DEFB115: variants seen among roughly 807,000 people sequenced by gnomAD.
DEFB115 encodes defensin beta 115.
DEFB115 carries 7 observed loss-of-function variants against 8.8 expected under a neutral mutation model. The observed-to-expected ratio is 0.79, with a 90% CI of 0.45 to 1.49. The LOEUF is 1.49. Ranked by LOEUF, DEFB115 falls within the 40% of genes most tolerant of loss-of-function variation. The pLI is 0.01. For missense variants in DEFB115, 143 were observed against 99.4 expected (o/e 1.44, Z -1.86); for synonymous variants, 62 against 37.6 (o/e 1.65, Z -2.37).
In DEFB115 at chr20:31,259,442, G is replaced by T; in HGVS notation, c.95-18G>T. 6.3e-7 allele frequency: 1 copy of T among 1,576,764 alleles called. No individual in the cohort carries two copies. The highest frequency in any genetic ancestry group is 8.6e-7 in the Non-Finnish European group (1 of 1,166,128). On this transcript the variant is annotated intron_variant, in intron 1 of 1. Transcript: ENST00000400552. ...TTCAAATGTATTTATATATTCATGTGTTTGCTTATTTTGATAGATGGATGG... is the reference window on the plus strand; with the variant it reads ...TTCAAATGTATTTATATATTCATGTTTTTGCTTATTTTGATAGATGGATGG...
At position 31,259,511 on chromosome 20, in the gene DEFB115, G is replaced by A; in HGVS notation, c.146G>A (p.Cys49Tyr). 2 of 1,613,202 alleles carry A rather than the reference G, an allele frequency of 1.2e-6. No homozygotes were observed. Among genetic ancestry groups the A allele is most frequent in the Non-Finnish European group, 1.7e-6 (2 of 1,179,576 alleles). ...GGAACTGGCAGATGCAGGAAATCAT[G>A]CAAAGAAATTGAGAGGAAGAAAGAA... is the stretch of plus-strand genomic sequence containing the variant. ...YYGTGRCRKS[C>Y]KEIERKKEKC... The change falls in exon 2 of 2, where the codon TGC (cysteine) becomes TAC (tyrosine). Residue 49 changes from cysteine to tyrosine, a missense_variant. Coordinates refer to ENST00000400552, the MANE Select transcript of DEFB115 (RefSeq NM_001037730.1).
In DEFB115 at chr20:31,259,628, T is replaced by C; in HGVS notation, c.263T>C (p.Ile88Thr). 1 of 1,580,584 alleles carries C rather than the reference T, an allele frequency of 6.3e-7. No homozygotes were observed. The highest frequency in any genetic ancestry group is 2.3e-5 in the East Asian group (1 of 44,120). The change falls in exon 2 of 2, where the codon ATC becomes ACC. Residue 88 changes from isoleucine (I) to threonine (T), a missense_variant. Transcript: ENST00000400552. ...HDQKETSELY[I>T] The stretch of plus-strand genomic sequence containing the variant: ...CAAAAAGAGACAAGTGAGCTATATA[T>C]CTAGTTGCGACTCCTAATTCAGAAT...
At chr20:31,258,917 G>A (rs1016174162) in intron 1 of DEFB115, among the ~76,000 whole-genome samples, 1 of 151,984 alleles carries the variant, frequency 6.6e-6, no homozygotes, top group African/African-American at 2.4e-5. Context: ...AATCAGAGAA[G>A]GGCACAGTGT....
intron 1 of DEFB115, 96 bp from the exon 2 acceptor site, chr20:31,259,344 AAGTGTCAAAATCAATGTTTC>A: frequency 9.3e-7 from 1 of 1,073,634 alleles, no homozygotes. Context: ...GAATGCCTTT[AAGTGTCAAAATCAATGTTTC>A]ACTCTAACCA....
At chr20:31,258,331 C>T (rs560025519) in intron 1 of DEFB115, among the ~76,000 whole-genome samples, 16 of 152,296 alleles carry the variant, frequency 1.1e-4, no homozygotes, top group Non-Finnish European at 1.9e-4. Flanking sequence ...AAGTTGAACA[C>T]GCTCAAAGCT....
intron 1 of DEFB115, 61 bp from the exon 2 acceptor site, chr20:31,259,399 C>A (rs915141792): frequency 8.2e-6 from 12 of 1,457,698 alleles, no homozygotes; most frequent in Non-Finnish European, 1.1e-5. Context: ...AACATCCTTT[C>A]TTTAATTGTA....
chr20:31,257,939 G>T (rs542937821), intron 1 of DEFB115, among the ~76,000 whole-genome samples, 182 bp downstream of exon 1: 1 of 152,288 alleles, frequency 6.6e-6, no homozygotes, highest in South Asian at 2.1e-4. Context: ...TGACCATGGT[G>T]GTGGTTCTCA....
chr20:31,258,753 G>A (rs1983821713), intron 1 of DEFB115, among the ~76,000 whole-genome samples: 1 of 152,160 alleles, frequency 6.6e-6, no homozygotes, highest in African/African-American at 2.4e-5. Flanking sequence ...AAAAGACAGA[G>A]AATTAGGAAT....
At chr20:31,258,367 G>A (rs952999364) in intron 1 of DEFB115, among the ~76,000 whole-genome samples, 4 of 152,116 alleles carry the variant, frequency 2.6e-5, no homozygotes, top group Non-Finnish European at 1.5e-5. Flanking sequence ...CAGGCATCAT[G>A]GCCAGGTGGT....
chr20:31,257,920 T>C (rs549609335), intron 1 of DEFB115, among the ~76,000 whole-genome samples, 163 bp downstream of exon 1: 2 of 152,196 alleles, frequency 1.3e-5, no homozygotes, highest in African/African-American at 4.8e-5. Context: ...AAGGGCAGCC[T>C]GTCAGGCCTG....
intron 1 of DEFB115, among the ~76,000 whole-genome samples, chr20:31,258,055 C>T (rs937566042): frequency 1.3e-5 from 2 of 152,092 alleles, no homozygotes; most frequent in Non-Finnish European, 2.9e-5. Context: ...TGCCTCTGGC[C>T]CATATGTCAA....
intron 1 of DEFB115, 45 bp downstream of exon 1, chr20:31,257,802 G>C (rs752742593): frequency 6.6e-7 from 1 of 1,522,860 alleles, no homozygotes; most frequent in Non-Finnish European, 9.1e-7. Flanking sequence ...TAAGGATGGG[G>C]TCCTAACCAC....
intron 1 of DEFB115, 42 bp downstream of exon 1, chr20:31,257,799 G>T (rs940391274): frequency 2.6e-6 from 4 of 1,542,618 alleles, no homozygotes; most frequent in African/African-American, 2.7e-5. Flanking sequence ...GAGTAAGGAT[G>T]GGGTCCTAAC....
At position 31,259,517 on chromosome 20, in the gene DEFB115, A is replaced by C. The variant is rs1266991186; in HGVS notation, c.152A>C (p.Glu51Ala). The C allele has an allele frequency of 6.2e-7, 1 of 1,613,432 alleles. No individual in the cohort carries two copies. The highest frequency in any genetic ancestry group is 1.1e-5 in the South Asian group (1 of 90,968). Reference sequence around the variant, plus strand: ...GGCAGATGCAGGAAATCATGCAAAGAAATTGAGAGGAAGAAAGAAAAATGT... The same window carrying C: ...GGCAGATGCAGGAAATCATGCAAAGCAATTGAGAGGAAGAAAGAAAAATGT... The part of the protein sequence containing the change: ...GTGRCRKSCK[E>A]IERKKEKCGE... Residue 51 changes from glutamate to alanine, a missense_variant, in exon 2 of 2, where the codon GAA becomes GCA. Transcript: ENST00000400552.
At chr20:31,258,114 C>T (rs2122375196) in intron 1 of DEFB115, among the ~76,000 whole-genome samples, 1 of 152,308 alleles carries the variant, frequency 6.6e-6, no homozygotes, top group East Asian at 1.9e-4. Context: ...TCAGTTGATA[C>T]TACCTCTTCT....
chr20:31,259,345 A>G (rs760584368), intron 1 of DEFB115, 115 bp from the exon 2 acceptor site: 2 of 1,081,456 alleles, frequency 1.8e-6, no homozygotes, highest in Non-Finnish European at 2.5e-6. Context: ...AATGCCTTTA[A>G]GTGTCAAAAT....
In DEFB115 at chr20:31,257,724, G is replaced by A. The variant is rs1455384909; in HGVS notation, c.61G>A (p.Val21Ile). ...CATTAAACTCTCTGTCCTGGCCTTA[G>A]TTGTCCTTGTGGTCCTGGCTCAGAC... ...GDIKLSVLAL[V>I]VLVVLAQTAP... Residue 21 changes from valine to isoleucine, a missense_variant, in exon 1 of 2, where the codon GTT becomes ATT. Val to Ile is a conservative substitution (Grantham distance 29, BLOSUM62 3). Coordinates refer to ENST00000400552, the MANE Select transcript of DEFB115 (RefSeq NM_001037730.1). 1 of 1,614,002 alleles carries A rather than the reference G, an allele frequency of 6.2e-7. No individual in the cohort carries two copies. The highest frequency in any genetic ancestry group is 2.2e-5 in the East Asian group (1 of 44,876).
chr20:31,259,195 A>G (rs1281755765), intron 1 of DEFB115, among the ~76,000 whole-genome samples: 1 of 152,214 alleles, frequency 6.6e-6, no homozygotes, highest in Admixed American at 6.5e-5. Flanking sequence ...GAGAGGAAGT[A>G]GAACCAGATT....
chr20:31,257,996 A>C (rs1983800160), intron 1 of DEFB115, among the ~76,000 whole-genome samples: 1 of 152,086 alleles, frequency 6.6e-6, no homozygotes, highest in Admixed American at 6.6e-5. Context: ...GTTTTATATG[A>C]AGTCCCTTCC....
Sources: allele counts gnomAD v4.1 joint callset (sites outside exome capture counted in the v4.1 genomes callset), GRCh38; gene constraint gnomAD v4.1.1; transcripts MANE v1.5; gene names NCBI Gene and HGNC (gene_info 2026-07-23, HGNC 2026-07-21).